The following EVI5 variants were observed in gnomAD, a reference collection of about 807,000 sequenced individuals.
The protein encoded by EVI5 is ecotropic viral integration site 5 protein homolog.
In EVI5, 73 loss-of-function variants were observed where a neutral mutation model predicts 112.0. That is an observed-to-expected ratio of 0.65 (90% confidence interval 0.54 to 0.79). The LOEUF is 0.79. Among genes scored for constraint, EVI5 ranks in the 30% least tolerant of loss-of-function variants. The pLI, the probability that EVI5 is intolerant of heterozygous loss-of-function variation, is 0.00. For missense variants in EVI5, 900 were observed against 968.8 expected (o/e 0.93, Z 0.94); for synonymous variants, 305 against 319.9 (o/e 0.95, Z 0.50).
At chr1:92,514,108 G>A (rs538669908) in intron 19 of EVI5, 138 bp from the exon 20 acceptor site, 362 of 476,094 alleles carry the variant, frequency 7.6e-4, no homozygotes, top group Non-Finnish European at 9.3e-4. Context: ...ACTAATTTTT[G>A]AGTGCCTTCT....
chr1:92,694,290 T>A lies in EVI5; in HGVS notation c.999+9A>T. 2 of 1,492,990 alleles carry A rather than the reference T, an allele frequency of 1.3e-6. No homozygotes were observed. The highest frequency in any genetic ancestry group is 1.8e-6 in the Non-Finnish European group (2 of 1,085,162). 92.5% of individuals were successfully genotyped at this position (1,492,990 alleles called of 1,614,324 possible). On this transcript the variant is annotated intron_variant, in intron 8 of 19. Transcript: ENST00000684568. ...AAAAAAAAAAAAAGAAAATAAATTATGAACTTACCTGTAACATCCCTTCCA... is the reference window on the plus strand; with the variant it reads ...AAAAAAAAAAAAAGAAAATAAATTAAGAACTTACCTGTAACATCCCTTCCA...
chr1:92,679,885 C>T (rs945724), intron 9 of EVI5, among the ~76,000 whole-genome samples: 140,246 of 152,216 alleles, frequency 0.92, 64,694 homozygotes, highest in East Asian at 0.97. Context: ...GTTTTCATTG[C>T]CTCATACTAA....
rs1312052961 is a variant in EVI5 at position 92,542,952 on chromosome 1, T to G, written c.2166+20690A>C. Among the ~76,000 whole-genome samples the G allele has an allele frequency of 2.6e-5, 4 of 152,208 alleles. No homozygotes were observed. In the East Asian group the frequency reaches 7.7e-4, roughly 29 times the overall value. ...TGTGCAGTCATCCAGGCTTTGTTTTTTCATTTACAGAGCACAGGCAAAGTA... is the reference window on the plus strand; with the variant it reads ...TGTGCAGTCATCCAGGCTTTGTTTTGTCATTTACAGAGCACAGGCAAAGTA... On this transcript the variant is annotated intron_variant, in intron 19 of 19. Coordinates refer to ENST00000684568, the MANE Select transcript of EVI5 (RefSeq NM_001350197.2).
At chr1:92,647,722 G>A (rs766655105) in intron 13 of EVI5, 3 of 212,854 alleles carry the variant, frequency 1.4e-5, no homozygotes, top group Admixed American at 5.1e-5. Flanking sequence ...TTGGAGGAGA[G>A]GTAGGAGGTC....
intron 19 of EVI5, among the ~76,000 whole-genome samples, chr1:92,538,252 A>C (rs1664214137): frequency 6.6e-6 from 1 of 152,212 alleles, no homozygotes; most frequent in African/African-American, 2.4e-5. Flanking sequence ...AACGCTGATG[A>C]GGCTACGAAT....
intron 14 of EVI5, among the ~76,000 whole-genome samples, chr1:92,630,784 G>A (rs1656874865): frequency 6.6e-6 from 1 of 152,144 alleles, no homozygotes; most frequent in Admixed American, 6.5e-5. Flanking sequence ...TTTTCTTCTA[G>A]GGTTTTTATG....
At chr1:92,546,994 G>A (rs998630710) in intron 19 of EVI5, among the ~76,000 whole-genome samples, 1 of 152,118 alleles carries the variant, frequency 6.6e-6, no homozygotes, top group Admixed American at 6.6e-5. Context: ...TGCACCAAGC[G>A]AACCTAACAG....
At chr1:92,760,928 G>A (rs992641439) in intron 1 of EVI5, among the ~76,000 whole-genome samples, 4 of 150,834 alleles carry the variant, frequency 2.7e-5, no homozygotes, top group South Asian at 4.2e-4. Context: ...CGTGGTGGTG[G>A]GCGCCTGTAG....
At chr1:92,716,994 G>A (rs1673822609) in intron 2 of EVI5, among the ~76,000 whole-genome samples, 2 of 151,822 alleles carry the variant, frequency 1.3e-5, no homozygotes, top group Admixed American at 6.6e-5. Flanking sequence ...CCGAGCTAAA[G>A]GAGGATGTTC....
At chr1:92,516,884 C>A (rs1203898103) in intron 19 of EVI5, among the ~76,000 whole-genome samples, 1 of 142,090 alleles carries the variant, frequency 7.0e-6, no homozygotes. Flanking sequence ...CCCTTTCCTC[C>A]AAAAAAAAAA....
At chr1:92,776,107 CAA>C (rs1011239382) in intron 1 of EVI5, among the ~76,000 whole-genome samples, 15 of 68,436 alleles carry the variant, frequency 2.2e-4, no homozygotes, top group East Asian at 4.4e-4. Flanking sequence ...GACTCCATCT[CAA>C]AAAAAAAAAA....
intron 1 of EVI5, among the ~76,000 whole-genome samples, chr1:92,747,887 T>C (rs1294864373): frequency 6.6e-6 from 1 of 152,084 alleles, no homozygotes; most frequent in Non-Finnish European, 1.5e-5. Flanking sequence ...ATGACCAGCA[T>C]TTCTTGGTTT....
chr1:92,562,831 A>C (rs1185288118), intron 19 of EVI5, among the ~76,000 whole-genome samples: 1 of 152,202 alleles, frequency 6.6e-6, no homozygotes, highest in Non-Finnish European at 1.5e-5. Flanking sequence ...TGTGAGGTTT[A>C]AATTCATCTA....
At chr1:92,647,565 TTCTTCTCTGCATG>T (rs1661210942) in intron 13 of EVI5, 1 of 546,678 alleles carries the variant, frequency 1.8e-6, no homozygotes, top group Admixed American at 2.2e-5. Flanking sequence ...TTCTCTTATG[TTCTTCTCTGCATG>T]TCTGCACAAA....
chr1:92,732,354 T>C (rs1023898301), intron 2 of EVI5: 3 of 349,584 alleles, frequency 8.6e-6, no homozygotes, highest in East Asian at 1.7e-4. Flanking sequence ...GTTAAAGACA[T>C]TGATTCCAAA....
intron 18 of EVI5, among the ~76,000 whole-genome samples, chr1:92,565,708 C>T (rs562589970): frequency 6.6e-6 from 1 of 151,906 alleles, no homozygotes; most frequent in Non-Finnish European, 1.5e-5. Context: ...GTGGCTCATG[C>T]CTGTAATCCC....
intron 19 of EVI5, among the ~76,000 whole-genome samples, chr1:92,559,444 CT>C (rs1557784585): frequency 6.6e-6 from 1 of 151,672 alleles, no homozygotes; most frequent in Non-Finnish European, 1.5e-5. Flanking sequence ...GTTGTTTCTT[CT>C]GTCTGGAATA....
intron 1 of EVI5, among the ~76,000 whole-genome samples, chr1:92,782,439 C>A (rs571611938): frequency 6.6e-6 from 1 of 152,190 alleles, no homozygotes; most frequent in Non-Finnish European, 1.5e-5. Flanking sequence ...GAAAAATAAG[C>A]ATATCAACGA....
At chr1:92,728,101 T>G (rs1450892047) in intron 2 of EVI5, among the ~76,000 whole-genome samples, 1 of 151,814 alleles carries the variant, frequency 6.6e-6, no homozygotes, top group Non-Finnish European at 1.5e-5. Context: ...AGTGACTATA[T>G]TAATATAAGA....
Sources: allele counts gnomAD v4.1 joint callset (sites outside exome capture counted in the v4.1 genomes callset), GRCh38; gene constraint gnomAD v4.1.1; transcripts MANE v1.5; gene names NCBI Gene and HGNC (gene_info 2026-07-23, HGNC 2026-07-21).